GABBR2: variants seen among roughly 807,000 people sequenced by gnomAD.
GABBR2 encodes the protein G-protein coupled receptor 51.
In GABBR2, 23 loss-of-function variants were observed where a neutral mutation model predicts 105.6. The observed-to-expected ratio is 0.22, with a 90% CI of 0.16 to 0.31. The LOEUF (loss-of-function observed/expected upper bound fraction) is 0.31. Ranked by LOEUF, GABBR2 falls within the 10% of genes least tolerant of loss-of-function variation. The pLI is 1.00. For missense variants in GABBR2, 734 were observed against 1,245.5 expected (o/e 0.59, Z 6.18); for synonymous variants, 478 against 499.7 (o/e 0.96, Z 0.58).
chr9:98,409,853 T>A (rs1375193249), intron 7 of GABBR2, among the ~76,000 whole-genome samples: 1 of 152,234 alleles, frequency 6.6e-6, no homozygotes, highest in Non-Finnish European at 1.5e-5. Flanking sequence ...TTCCAGCTTC[T>A]GTTCCTGAAA....
chr9:98,464,437 GC>G (rs1209316868), intron 6 of GABBR2, among the ~76,000 whole-genome samples: 10 of 144,362 alleles, frequency 6.9e-5, no homozygotes, highest in Admixed American at 2.8e-4. Context: ...CTGGCCGGCT[GC>G]CCCAAATGGG....
intron 1 of GABBR2, among the ~76,000 whole-genome samples, chr9:98,615,261 A>C (rs905404012): frequency 6.6e-6 from 1 of 152,186 alleles, no homozygotes; most frequent in African/African-American, 2.4e-5. Context: ...TAGACCCCAG[A>C]GGCACAGAGA....
intron 2 of GABBR2, among the ~76,000 whole-genome samples, chr9:98,564,012 T>A (rs1828715343): frequency 6.7e-6 from 1 of 149,630 alleles, no homozygotes; most frequent in African/African-American, 2.4e-5. Context: ...TTTTCTGAGT[T>A]TGAAGGAATC....
At chr9:98,492,335 A>T (rs564772206) in intron 4 of GABBR2, among the ~76,000 whole-genome samples, 2 of 124,672 alleles carry the variant, frequency 1.6e-5, no homozygotes, top group South Asian at 5.2e-4. Context: ...AGCCCGCTTA[A>T]GTTTGTTTCC....
At chr9:98,420,136 T>C (rs555543932) in intron 7 of GABBR2, among the ~76,000 whole-genome samples, 81 of 152,084 alleles carry the variant, frequency 5.3e-4, no homozygotes, top group Admixed American at 1.4e-3. Flanking sequence ...GCAAAAAGTG[T>C]TCTTGAACTC....
At chr9:98,334,968 C>T (rs1442826705) in intron 13 of GABBR2, among the ~76,000 whole-genome samples, 1 of 152,126 alleles carries the variant, frequency 6.6e-6, no homozygotes, top group Admixed American at 6.5e-5. Flanking sequence ...GTTCCCTTGT[C>T]CTTTTTTCTT....
chr9:98,586,632 CAT>C (rs1311712318), intron 1 of GABBR2, among the ~76,000 whole-genome samples: 3 of 152,224 alleles, frequency 2.0e-5, no homozygotes, highest in Non-Finnish European at 4.4e-5. Context: ...TTTATATGTA[CAT>C]GTTTCTTAAA....
At chr9:98,460,160 C>T (rs1442981537) in intron 6 of GABBR2, among the ~76,000 whole-genome samples, 1 of 152,182 alleles carries the variant, frequency 6.6e-6, no homozygotes, top group East Asian at 1.9e-4. Flanking sequence ...ATTCCCAGCA[C>T]TTGGGAAGGC....
At chr9:98,546,124 A>T (rs1373487422) in intron 2 of GABBR2, among the ~76,000 whole-genome samples, 1 of 152,010 alleles carries the variant, frequency 6.6e-6, no homozygotes, top group Non-Finnish European at 1.5e-5. Context: ...ATTTATTGAG[A>T]TTTTCTTTGT....
In GABBR2 at chr9:98,682,366, C is replaced by CTT. The variant is rs58885676; in HGVS notation, c.321+26049_321+26050dup. 5.4e-3 allele frequency among the ~76,000 whole-genome samples: 280 copies of CTT among 52,260 alleles called. 28 individuals carry two copies. The highest frequency in any genetic ancestry group is 0.016 in the African/African-American group (218 of 13,476). The allele number at this position is 52,260 out of a possible 152,430, so 34.3% of individuals were successfully genotyped here. On this transcript the variant is annotated intron_variant, in intron 1 of 18. Transcript: ENST00000259455. ...CGAGATAGGAGATGGATTTTACCAT[C>CTT]TTTTTTTTTTTTTTTTTTTTTTTTT...
chr9:98,342,958 G>A (rs1831240918), intron 13 of GABBR2, among the ~76,000 whole-genome samples: 1 of 152,146 alleles, frequency 6.6e-6, no homozygotes, highest in Admixed American at 6.5e-5. Flanking sequence ...TCCCCCCAGA[G>A]CAGCTGTAGA....
At position 98,607,713 on chromosome 9, in the gene GABBR2, G is replaced by C. The variant is rs1184411692; in HGVS notation, c.322-29641C>G. On this transcript the variant is annotated intron_variant, in intron 1 of 18. Coordinates refer to ENST00000259455, the MANE Select transcript of GABBR2 (RefSeq NM_005458.8). ...TGATAAGAACACACATGCAGGACTT[G>C]AAAGAGGTTACTAATAATGTCCACT... 3 of 765,770 alleles carry C rather than the reference G, an allele frequency of 3.9e-6. No individual in the cohort carries two copies. The African/African-American group carries it at 5.1e-5, about 13-fold the overall frequency. 47.4% of individuals were successfully genotyped at this position (765,770 alleles called of 1,614,324 possible).
chr9:98,670,642 T>C (rs1830395849), intron 1 of GABBR2, among the ~76,000 whole-genome samples: 3 of 152,218 alleles, frequency 2.0e-5, no homozygotes, highest in Admixed American at 1.3e-4. Flanking sequence ...GAGAATATTA[T>C]TCAGCTTAAA....
chr9:98,518,876 G>A (rs919658171), intron 3 of GABBR2, among the ~76,000 whole-genome samples: 8 of 152,174 alleles, frequency 5.3e-5, no homozygotes, highest in Admixed American at 1.3e-4. Flanking sequence ...GGGAGGGAGC[G>A]GTGGTCTAGG....
intron 1 of GABBR2, among the ~76,000 whole-genome samples, chr9:98,646,560 C>G (rs1051843770): frequency 6.6e-6 from 1 of 152,116 alleles, no homozygotes; most frequent in Non-Finnish European, 1.5e-5. Context: ...ACTCTGAGTC[C>G]CTCTAGCAAA....
intron 2 of GABBR2, among the ~76,000 whole-genome samples, chr9:98,575,830 C>T (rs1002163096): frequency 1.3e-5 from 2 of 152,194 alleles, no homozygotes; most frequent in African/African-American, 4.8e-5. Context: ...CACCCACAAT[C>T]AGTGTGGCCT....
At chr9:98,530,830 C>T (rs997462398) in intron 3 of GABBR2, among the ~76,000 whole-genome samples, 3 of 152,088 alleles carry the variant, frequency 2.0e-5, no homozygotes, top group Non-Finnish European at 4.4e-5. Flanking sequence ...TTGAACATAA[C>T]TACCTGGCAC....
At chr9:98,406,698 A>G (rs568115681) in intron 7 of GABBR2, among the ~76,000 whole-genome samples, 1 of 152,338 alleles carries the variant, frequency 6.6e-6, no homozygotes, top group Non-Finnish European at 1.5e-5. Flanking sequence ...GCAGCAAAAA[A>G]CTAAGCTTCT....
chr9:98,465,388 A>G (rs1018028667), intron 6 of GABBR2, among the ~76,000 whole-genome samples: 2 of 152,330 alleles, frequency 1.3e-5, no homozygotes, highest in Admixed American at 6.5e-5. Flanking sequence ...TACAAAATGT[A>G]TTTCAGGTTA....
Sources: allele counts gnomAD v4.1 joint callset (sites outside exome capture counted in the v4.1 genomes callset), GRCh38; gene constraint gnomAD v4.1.1; transcripts MANE v1.5; gene names NCBI Gene and HGNC (gene_info 2026-07-23, HGNC 2026-07-21).